Variants in NME7 observed in about 807,000 individuals in gnomAD.
NME7 encodes the protein NME/NM23 family member 7.
NME7 carries 41 observed loss-of-function variants against 49.1 expected under a neutral mutation model. The ratio of observed to expected loss-of-function variants is 0.83; its 90% CI spans 0.65 to 1.08. The LOEUF is 1.08. Among genes scored for constraint, NME7 ranks in the 50% least tolerant of loss-of-function variants. NME7 has a pLI of 0.00. For synonymous variants in NME7, 139 were observed against 150.6 expected (o/e 0.92, Z 0.56); for missense variants, 423 against 463.4 (o/e 0.91, Z 0.80).
intron 10 of NME7, among the ~76,000 whole-genome samples, chr1:169,176,395 A>G (rs1659751006): frequency 6.6e-6 from 1 of 152,166 alleles, no homozygotes; most frequent in Non-Finnish European, 1.5e-5. Context: ...TTGGCACTGG[A>G]AAATACATAA....
At chr1:169,148,802 G>A (rs757973913) in intron 11 of NME7, among the ~76,000 whole-genome samples, 5 of 152,190 alleles carry the variant, frequency 3.3e-5, no homozygotes, top group Admixed American at 6.5e-5. Flanking sequence ...CACAATACCA[G>A]CTGTCTTAGG....
At chr1:169,309,944 A>G (rs759543799) in intron 4 of NME7, 26 bp downstream of exon 4, 20 of 1,283,236 alleles carry the variant, frequency 1.6e-5, no homozygotes, top group South Asian at 1.3e-4. Context: ...CAGACATTAC[A>G]TAACTGAAAA....
chr1:169,240,286 T>C (rs1256967359), intron 7 of NME7, among the ~76,000 whole-genome samples: 2 of 151,828 alleles, frequency 1.3e-5, no homozygotes, highest in African/African-American at 4.8e-5. Flanking sequence ...ATTATAGTAT[T>C]TTTTTTAATT....
At chr1:169,327,644 TG>T (rs1259330878) in intron 1 of NME7, among the ~76,000 whole-genome samples, 60 of 152,214 alleles carry the variant, frequency 3.9e-4, no homozygotes, top group African/African-American at 1.4e-3. Flanking sequence ...TGCATATATG[TG>T]TATATAAATA....
intron 7 of NME7, among the ~76,000 whole-genome samples, chr1:169,266,983 G>T (rs185823924): frequency 1.5e-5 from 2 of 132,932 alleles, no homozygotes; most frequent in East Asian, 2.0e-4. Context: ...CACAAGAATC[G>T]CTTGAACCTG....
rs1659443734 is a variant in NME7 at position 169,167,255 on chromosome 1, C to A, written c.1098+2192G>T. On this transcript the variant is annotated intron_variant, in intron 11 of 11. Transcript: ENST00000367811. The stretch of plus-strand genomic sequence containing the variant: ...TAAATCCATACCTCACACTATATGT[C>A]TAATAAATTCCAGGTGGATTGAACA... 2.0e-5 allele frequency among the ~76,000 whole-genome samples: 3 copies of A among 151,948 alleles called. No individual in the cohort carries two copies. In the South Asian group the frequency reaches 6.2e-4, roughly 31 times the overall value.
intron 1 of NME7, among the ~76,000 whole-genome samples, chr1:169,328,520 C>A (rs908659133): frequency 2.0e-5 from 3 of 151,782 alleles, no homozygotes; most frequent in Non-Finnish European, 2.9e-5. Flanking sequence ...CTGCAACTAA[C>A]CCTAGGTAAA....
chr1:169,178,260 T>C (rs1659818573), intron 10 of NME7, among the ~76,000 whole-genome samples: 1 of 152,184 alleles, frequency 6.6e-6, no homozygotes, highest in African/African-American at 2.4e-5. Context: ...AGATGGAAAT[T>C]AGAAATCTAA....
At chr1:169,148,135 T>C (rs1026404220) in intron 11 of NME7, among the ~76,000 whole-genome samples, 2 of 152,130 alleles carry the variant, frequency 1.3e-5, no homozygotes, top group Non-Finnish European at 2.9e-5. Flanking sequence ...CCTGAGTAAC[T>C]GGGACTACAG....
intron 1 of NME7, among the ~76,000 whole-genome samples, chr1:169,336,132 TG>T: frequency 6.6e-6 from 1 of 151,862 alleles, no homozygotes; most frequent in East Asian, 1.9e-4. Flanking sequence ...ACCTTTGCGG[TG>T]AGTGTTACAG....
intron 10 of NME7, among the ~76,000 whole-genome samples, chr1:169,227,620 T>C (rs1217406413): frequency 1.3e-5 from 2 of 152,192 alleles, no homozygotes; most frequent in Admixed American, 6.5e-5. Flanking sequence ...CACATGGTGA[T>C]AGGGCAAGAG....
rs757745699 is a variant in NME7, at chr1:169,323,261, G to T, written c.134C>A (p.Thr45Asn). ...VEMHDVKNHR[T>N]FLKRTKYDNL... ...ATCATATTTGGTCCGCTTTAAAAAG[G>T]TGCGATGATTCTTTACATCATGCTA... The change falls in exon 3 of 12, where the codon ACC (threonine) becomes AAC (asparagine). Residue 45 changes from threonine to asparagine, a missense_variant. Thr to Asn is a moderately conservative substitution (Grantham distance 65, BLOSUM62 0). Transcript: ENST00000367811. 3.8e-6 allele frequency: 6 copies of T among 1,599,352 alleles called. No individual in the cohort carries two copies. In the Admixed American group the frequency reaches 1.0e-4, roughly 28 times the overall value.
chr1:169,313,778 G>T (rs981921918), intron 3 of NME7, among the ~76,000 whole-genome samples: 1 of 151,938 alleles, frequency 6.6e-6, no homozygotes. Flanking sequence ...GATAATCAGA[G>T]AAAAACTGTA....
At chr1:169,253,278 A>G (rs201976780) in intron 7 of NME7, among the ~76,000 whole-genome samples, 9,046 of 145,882 alleles carry the variant, frequency 0.062, 874 homozygotes, top group East Asian at 0.59. Context: ...GGTCCTTCAC[A>G]TCCCTTGTAA....
chr1:169,365,719 T>G (rs1030082908), intron 1 of NME7, among the ~76,000 whole-genome samples: 20 of 152,186 alleles, frequency 1.3e-4, no homozygotes, highest in African/African-American at 4.8e-4. Flanking sequence ...TTTTTAAAAA[T>G]TCCTTCTTGT....
In NME7 at chr1:169,367,572, C is replaced by G. The variant is rs969219111; in HGVS notation, c.3+136G>C. On this transcript the variant is annotated intron_variant, in intron 1 of 11. Transcript: ENST00000367811. ...GAGCGAGGAGACTGCAGGAACAGCCCGTGGGAAGGGGGAAAGAGATAACGG... is the reference window on the plus strand; with the variant it reads ...GAGCGAGGAGACTGCAGGAACAGCCGGTGGGAAGGGGGAAAGAGATAACGG... The G allele has an allele frequency of 5.3e-6, 5 of 938,986 alleles. No individual in the cohort carries two copies. The African/African-American group carries it at 6.5e-5, about 12-fold the overall frequency. 58.2% of individuals were successfully genotyped at this position (938,986 alleles called of 1,614,324 possible).
intron 1 of NME7, among the ~76,000 whole-genome samples, chr1:169,346,791 T>C (rs1024255715): frequency 1.3e-5 from 2 of 152,230 alleles, no homozygotes; most frequent in African/African-American, 4.8e-5. Flanking sequence ...TAAGTATTTG[T>C]TGAATGAATA....
intron 7 of NME7, among the ~76,000 whole-genome samples, chr1:169,278,800 C>T (rs769181227): frequency 7.2e-5 from 11 of 152,046 alleles, no homozygotes; most frequent in Non-Finnish European, 1.2e-4. Flanking sequence ...GTGTTTTTTC[C>T]CCATCTTTGT....
chr1:169,258,098 G>A (rs2101859079), intron 7 of NME7, among the ~76,000 whole-genome samples: 1 of 131,932 alleles, frequency 7.6e-6, no homozygotes, highest in Admixed American at 7.5e-5. Context: ...AACACTTTGA[G>A]GGGCCAAGTC....
Sources: allele counts gnomAD v4.1 joint callset (sites outside exome capture counted in the v4.1 genomes callset), GRCh38; gene constraint gnomAD v4.1.1; transcripts MANE v1.5; gene names NCBI Gene and HGNC (gene_info 2026-07-23, HGNC 2026-07-21).